TRPM1: variants seen among roughly 807,000 people sequenced by gnomAD.
The protein encoded by TRPM1 is TRPM1-203 APA Isoform, Intron 10.
TRPM1 carries 113 observed loss-of-function variants against 149.4 expected under a neutral mutation model. The ratio of observed to expected loss-of-function variants is 0.76; its 90% CI spans 0.65 to 0.88. TRPM1 has a LOEUF of 0.88. Among genes scored for constraint, TRPM1 ranks in the 40% least tolerant of loss-of-function variants. The probability of loss-of-function intolerance (pLI) is 0.00; values close to 1 mark genes in which losing one functional copy is unlikely to be tolerated. For synonymous variants in TRPM1, 741 were observed against 759.5 expected (o/e 0.98, Z 0.40); for missense variants, 1,976 against 2,038.7 (o/e 0.97, Z 0.59).
intron 1 of TRPM1, among the ~76,000 whole-genome samples, chr15:31,132,185 G>A (rs1346240052): frequency 6.6e-6 from 1 of 152,232 alleles, no homozygotes; most frequent in Non-Finnish European, 1.5e-5. Context: ...TTGACCCCAA[G>A]GTTGGGCACA....
chr15:31,112,895 C>T (rs1041921819), intron 1 of TRPM1, among the ~76,000 whole-genome samples: 9 of 152,164 alleles, frequency 5.9e-5, no homozygotes, highest in Non-Finnish European at 1.3e-4. Flanking sequence ...CTCATTTGCC[C>T]ATAGGATCTT....
At chr15:31,080,216 A>G (rs1255377654) in intron 2 of TRPM1, among the ~76,000 whole-genome samples, 1 of 152,208 alleles carries the variant, frequency 6.6e-6, no homozygotes, top group Non-Finnish European at 1.5e-5. Context: ...GATGAATGCT[A>G]AAAGTAGTGG....
chr15:31,149,269 T>A (rs937237463), intron 1 of TRPM1, among the ~76,000 whole-genome samples: 1 of 152,128 alleles, frequency 6.6e-6, no homozygotes, highest in Non-Finnish European at 1.5e-5. Context: ...TACCCTGGTC[T>A]CTGAGGAGCC....
At chr15:31,136,130 C>T (rs1346716010) in intron 1 of TRPM1, among the ~76,000 whole-genome samples, 2 of 151,922 alleles carry the variant, frequency 1.3e-5, no homozygotes, top group Admixed American at 6.6e-5. Flanking sequence ...TGTTGGCCAT[C>T]TCCTTCTTAT....
chr15:31,042,178 A>T lies in TRPM1; in HGVS notation c.1860T>A (p.Ile620=). The change falls in exon 17 of 28, where the codon ATT becomes ATA. Residue 620 remains isoleucine (I), a synonymous_variant. Transcript: ENST00000256552. ...KKKKKEEEID[I]DVDDPAVSRF... is the part of the protein sequence containing the mutation. ...GACTCACGGCAGGGTCGTCCACATC[A>T]ATGTCGATCTCTTCCTCCTTTTTCT... The T allele has an allele frequency of 6.2e-7, 1 of 1,613,998 alleles. No individual in the cohort carries two copies. The highest frequency in any genetic ancestry group is 8.5e-7 in the Non-Finnish European group (1 of 1,179,938).
Position 31,040,402 on chromosome 15 carries a change from TAGAC to T in TRPM1, c.2088-60_2088-57del, listed in dbSNP as rs2033576830. Reference sequence around the variant, plus strand: ...GCCACAGTGGCCGCAAGCTGTTTCTTAGACAGGCATATCCACCAAGGACTTATGG... The same window carrying T: ...GCCACAGTGGCCGCAAGCTGTTTCTTAGGCATATCCACCAAGGACTTATGG... On this transcript the variant is annotated intron_variant, in intron 17 of 27. Coordinates refer to ENST00000256552, the MANE Select transcript of TRPM1 (RefSeq NM_001252024.2). The surrounding 1 kb of genome is among the most constrained non-coding windows in gnomAD (Gnocchi z 4.2). 1.4e-6 allele frequency: 2 copies of T among 1,440,574 alleles called. No homozygotes were observed. The highest frequency in any genetic ancestry group is 2.0e-6 in the Non-Finnish European group (2 of 1,024,368). 89.2% of individuals were successfully genotyped at this position (1,440,574 alleles called of 1,614,324 possible).
intron 1 of TRPM1, among the ~76,000 whole-genome samples, chr15:31,129,379 C>T (rs1386164650): frequency 6.6e-6 from 1 of 152,186 alleles, no homozygotes; most frequent in African/African-American, 2.4e-5. Context: ...TTTGGTGGGA[C>T]CCTGCAGGGT....
chr15:31,104,583 T>C (rs963471103), upstream of TRPM1, among the ~76,000 whole-genome samples: 7 of 147,772 alleles, frequency 4.7e-5, no homozygotes, highest in African/African-American at 1.5e-4. Flanking sequence ...AATGGTGATC[T>C]TCCTTTTTTT....
At chr15:31,008,070 G>A (rs943559668) in intron 27 of TRPM1, among the ~76,000 whole-genome samples, 8 of 152,172 alleles carry the variant, frequency 5.3e-5, no homozygotes, top group African/African-American at 9.6e-5. Flanking sequence ...ATTCTAGGAC[G>A]TTTTCATTTG....
chr15:31,004,921 G>A (rs2031930912), intron 27 of TRPM1, among the ~76,000 whole-genome samples: 2 of 152,024 alleles, frequency 1.3e-5, no homozygotes, highest in Admixed American at 6.6e-5. Flanking sequence ...GGCCAATATG[G>A]TGAAACCCTG....
In TRPM1 at chr15:31,061,469, TC is replaced by T. The variant is rs749301742; in HGVS notation, c.1134del (p.Met379TrpfsTer4). ...RMGSEGQQDI[E>X]MAILTALLKG... ...TTCAGCAGGGCAGTTAAAATTGCCA[TC>T]TCGATGTCCTGCTGGCCCTCAGAAC... is the stretch of plus-strand genomic sequence containing the variant. On this transcript the variant is annotated frameshift_variant, in exon 10 of 28. Transcript: ENST00000256552. LOFTEE classifies it high-confidence loss of function. 3 of 1,614,010 alleles carry T rather than the reference TC, an allele frequency of 1.9e-6. No individual in the cohort carries two copies. The highest frequency in any genetic ancestry group is 1.3e-5 in the African/African-American group (1 of 74,904).
At position 31,060,403 on chromosome 15, in the gene TRPM1, A is replaced by G. The variant is rs1295583228; in HGVS notation, c.1263+141T>C. The G allele has an allele frequency of 4.0e-6, 3 of 745,892 alleles. No individual in the cohort carries two copies. The African/African-American group carries it at 5.2e-5, about 13-fold the overall frequency. 46.2% of individuals were successfully genotyped at this position (745,892 alleles called of 1,614,324 possible). A position where few individuals can be genotyped will look rare whatever the true frequency, so the allele number is the denominator to read the frequency against. On this transcript the variant is annotated intron_variant, in intron 11 of 27. Transcript: ENST00000256552. ...TTGAAGTTAAACAGTGACATCTTCT[A>G]ATGAGCCTAATAGATTACATATCAT...
rs745457732 is a variant in TRPM1 at position 31,028,422 on chromosome 15, A to T, written c.3203T>A (p.Ile1068Asn). The T allele has an allele frequency of 1.7e-5, 28 of 1,614,126 alleles. No individual in the cohort carries two copies. The highest frequency in any genetic ancestry group is 2.1e-5 in the Non-Finnish European group (25 of 1,180,028). The stretch of plus-strand genomic sequence containing the variant: ...TGCTGGAGTGAGCCAGGCGCCGGGG[A>T]TACAGGGAGGAAGCCGCTTGCCCTC... Reference protein sequence around the residue: ...DEEGKRLPPCIPGAWLTPALM... With the variant: ...DEEGKRLPPCNPGAWLTPALM... Residue 1068 changes from isoleucine to asparagine, a missense_variant, in exon 25 of 28, where the codon ATC becomes AAC. Ile to Asn is a moderately radical substitution (Grantham distance 149). Coordinates refer to ENST00000256552, the MANE Select transcript of TRPM1 (RefSeq NM_001252024.2).
chr15:31,073,705 C>G (rs1254801172), intron 3 of TRPM1, among the ~76,000 whole-genome samples: 3 of 151,944 alleles, frequency 2.0e-5, no homozygotes, highest in East Asian at 1.9e-4. Context: ...CTTTATTTCT[C>G]TTACCTAATT....
At chr15:31,074,915 G>A (rs1467797235) in intron 3 of TRPM1, among the ~76,000 whole-genome samples, 1 of 152,018 alleles carries the variant, frequency 6.6e-6, no homozygotes, top group African/African-American at 2.4e-5. Flanking sequence ...TTAACCTTCT[G>A]ACATTTTCTT....
At chr15:31,005,344 C>G (rs1055174614) in intron 27 of TRPM1, among the ~76,000 whole-genome samples, 1 of 151,976 alleles carries the variant, frequency 6.6e-6, no homozygotes, top group Non-Finnish European at 1.5e-5. Context: ...ACCTATTTTC[C>G]CCTTTATTAC....
chr15:31,111,200 G>C (rs2141023850), intron 1 of TRPM1, among the ~76,000 whole-genome samples: 1 of 152,280 alleles, frequency 6.6e-6, no homozygotes, highest in East Asian at 1.9e-4. Context: ...TCCTAGCAGA[G>C]AGCATTATCT....
chr15:31,085,767 C>T (rs888807400), intron 1 of TRPM1, among the ~76,000 whole-genome samples: 5 of 152,114 alleles, frequency 3.3e-5, no homozygotes, highest in Admixed American at 2.6e-4. Context: ...CAAAACCAAA[C>T]AAAAACAGAA....
rs1434910519 is a variant in TRPM1, at chr15:31,022,316, A to G, written c.3629+3823T>C. Among the ~76,000 whole-genome samples the G allele has an allele frequency of 6.2e-4, 95 of 152,228 alleles. 1 individual carries two copies. The stretch of plus-strand genomic sequence containing the variant: ...CAATGAGGACAGAACACATGGGTTG[A>G]CGAGGTCTACTTTGGCCATGCTGCC... On this transcript the variant is annotated intron_variant, in intron 27 of 27. Coordinates refer to ENST00000256552, the MANE Select transcript of TRPM1 (RefSeq NM_001252024.2).
Sources: allele counts gnomAD v4.1 joint callset (sites outside exome capture counted in the v4.1 genomes callset), GRCh38; gene constraint gnomAD v4.1.1; non-coding constraint Gnocchi (gnomAD v3.1); transcripts MANE v1.5; gene names NCBI Gene and HGNC (gene_info 2026-07-23, HGNC 2026-07-21).